Variants in XYLT1 observed in about 807,000 individuals in gnomAD.
The protein encoded by XYLT1 is xylosyltransferase 1, also known as beta-D-xylosyltransferase 1.
Under a neutral mutation model 91.3 loss-of-function variants are expected in XYLT1, and 36 were observed. The ratio of observed to expected loss-of-function variants is 0.39; its 90% CI spans 0.30 to 0.52. XYLT1 has a LOEUF of 0.52. Among genes scored for constraint, XYLT1 ranks in the 20% least tolerant of loss-of-function variants. XYLT1 has a pLI of 0.68. For missense variants in XYLT1, 1,242 were observed against 1,284.5 expected, an observed-to-expected ratio of 0.97 and a Z score of 0.51; for synonymous variants, 588 against 532.0, an observed-to-expected ratio of 1.11 and a Z score of -1.45.
intron 9 of XYLT1, among the ~76,000 whole-genome samples, chr16:17,132,818 G>A (rs182713140): frequency 1.4e-4 from 22 of 152,254 alleles, no homozygotes; most frequent in East Asian, 1.2e-3. Flanking sequence ...CAGAAGAATC[G>A]CTTGAACCTG....
chr16:17,116,980 C>CT (rs905383693), intron 11 of XYLT1, among the ~76,000 whole-genome samples: 13 of 151,200 alleles, frequency 8.6e-5, no homozygotes, highest in South Asian at 2.1e-4. Flanking sequence ...GGTTGGTGGT[C>CT]TTTTTTTTTG....
intron 1 of XYLT1, among the ~76,000 whole-genome samples, chr16:17,436,582 G>A (rs1297249585): frequency 3.3e-5 from 5 of 152,154 alleles, no homozygotes; most frequent in Admixed American, 1.3e-4. Flanking sequence ...GCTACGGGTT[G>A]GGAACGAGGT....
chr16:17,444,231 C>T (rs536072668), intron 1 of XYLT1, among the ~76,000 whole-genome samples: 1 of 152,356 alleles, frequency 6.6e-6, no homozygotes, highest in South Asian at 2.1e-4. Flanking sequence ...CCGTCTAATA[C>T]ACAGTGGTTT....
intron 2 of XYLT1, among the ~76,000 whole-genome samples, chr16:17,274,320 C>T (rs935702099): frequency 1.3e-5 from 2 of 152,080 alleles, no homozygotes; most frequent in Non-Finnish European, 2.9e-5. Flanking sequence ...TAGAATAAGG[C>T]TGGATTTCAT....
At chr16:17,340,709 G>A (rs1376857460) in intron 2 of XYLT1, among the ~76,000 whole-genome samples, 3 of 152,146 alleles carry the variant, frequency 2.0e-5, no homozygotes, top group East Asian at 1.9e-4. Context: ...CAGGTTTATG[G>A]GGAGATTAAA....
At chr16:17,258,863 C>T in intron 3 of XYLT1, 125 bp downstream of exon 3, 1 of 1,186,240 alleles carries the variant, frequency 8.4e-7, no homozygotes, top group Non-Finnish European at 1.1e-6. Context: ...CTCGTGTGCT[C>T]ATCTGGGGTT....
intron 10 of XYLT1, 29 bp from the exon 11 acceptor site, chr16:17,118,008 A>T (rs1222246794): frequency 6.3e-7 from 1 of 1,589,408 alleles, no homozygotes; most frequent in Non-Finnish European, 8.6e-7. Context: ...TTCTGAAGTC[A>T]CTGGGCCTGA....
intron 2 of XYLT1, among the ~76,000 whole-genome samples, chr16:17,322,786 C>T (rs533460915): frequency 6.6e-6 from 1 of 152,338 alleles, no homozygotes; most frequent in Admixed American, 6.5e-5. Context: ...TTTAAAAGAA[C>T]CCAACACTTG....
chr16:17,395,857 T>C (rs2035878412), intron 1 of XYLT1, among the ~76,000 whole-genome samples: 1 of 152,186 alleles, frequency 6.6e-6, no homozygotes, highest in Admixed American at 6.5e-5. Flanking sequence ...GTGTCCTCTC[T>C]GTCACTCTCA....
At position 17,366,702 on chromosome 16, in the gene XYLT1, A is replaced by G. The variant is rs72781562; in HGVS notation, c.364-8652T>C. Among the ~76,000 whole-genome samples, 855 of 152,258 alleles carry G rather than the reference A, an allele frequency of 5.6e-3. 2 individuals carry two copies. The highest frequency in any genetic ancestry group is 9.4e-3 in the Non-Finnish European group (640 of 68,014). ...AGACTGGGACCGTGTCTTAAAACAA[A>G]CAAACAAACAAACAAACCAACCTTA... On this transcript the variant is annotated intron_variant, in intron 1 of 11. Coordinates refer to ENST00000261381, the MANE Select transcript of XYLT1 (RefSeq NM_022166.4).
chr16:17,462,503 C>A (rs904639330), intron 1 of XYLT1, among the ~76,000 whole-genome samples: 2 of 152,146 alleles, frequency 1.3e-5, no homozygotes, highest in East Asian at 3.9e-4. Flanking sequence ...TGAGCATCTG[C>A]GGGCAAACGG....
At chr16:17,112,634 G>A (rs1416185965) in intron 11 of XYLT1, among the ~76,000 whole-genome samples, 2 of 152,158 alleles carry the variant, frequency 1.3e-5, no homozygotes, top group African/African-American at 4.8e-5. Context: ...TGGTAAAGAT[G>A]TGAACTAGAT....
intron 3 of XYLT1, among the ~76,000 whole-genome samples, chr16:17,258,709 A>G (rs1450895826): frequency 6.6e-6 from 1 of 152,238 alleles, no homozygotes; most frequent in Non-Finnish European, 1.5e-5. Context: ...TCCTGCCAGC[A>G]TCACATCAGC....
chr16:17,325,391 A>G (rs2034785054), intron 2 of XYLT1, among the ~76,000 whole-genome samples: 1 of 152,146 alleles, frequency 6.6e-6, no homozygotes, highest in African/African-American at 2.4e-5. Context: ...ACAGAGCGAG[A>G]CTCTGTCTCA....
At chr16:17,346,943 G>C (rs2035151678) in intron 2 of XYLT1, among the ~76,000 whole-genome samples, 1 of 152,180 alleles carries the variant, frequency 6.6e-6, no homozygotes, top group Non-Finnish European at 1.5e-5. Flanking sequence ...AAGAAAATGA[G>C]AACGGGGTTA....
At chr16:17,451,360 T>A (rs2036663932) in intron 1 of XYLT1, among the ~76,000 whole-genome samples, 1 of 152,170 alleles carries the variant, frequency 6.6e-6, no homozygotes. Context: ...CCGGACTATC[T>A]TCTCTTTGTT....
At chr16:17,411,916 C>T (rs867098469) in intron 1 of XYLT1, among the ~76,000 whole-genome samples, 12 of 152,108 alleles carry the variant, frequency 7.9e-5, no homozygotes, top group Non-Finnish European at 1.5e-5. Flanking sequence ...GACTCACAAT[C>T]CGGCTGCCCA....
Position 17,134,480 on chromosome 16 carries a change from T to G in XYLT1, c.2020A>C (p.Ser674Arg), listed in dbSNP as rs200073557. Residue 674 changes from serine (S) to arginine (R), a missense_variant, in exon 9 of 12, where the codon AGC (serine) becomes CGC (arginine). Coordinates refer to ENST00000261381, the MANE Select transcript of XYLT1 (RefSeq NM_022166.4). Reference sequence around the variant, plus strand: ...ATCCCATATAGGGCTCACCGGCAGCTGTTCTCCCCATCCGTGTGCAGGGAC... The same window carrying G: ...ATCCCATATAGGGCTCACCGGCAGCGGTTCTCCCCATCCGTGTGCAGGGAC... ...ETSLHTDGEN[S>R]CRYYPMGHPA... 2.5e-6 allele frequency: 4 copies of G among 1,613,958 alleles called. No individual in the cohort carries two copies. Among genetic ancestry groups the G allele is most frequent in the Non-Finnish European group, 3.4e-6 (4 of 1,180,044 alleles).
Position 17,117,719 on chromosome 16 carries a change from G to C in XYLT1, c.2484C>G (p.His828Gln), listed in dbSNP as rs1241489775. Residue 828 changes from histidine (H) to glutamine (Q), a missense_variant, in exon 11 of 12, where the codon CAC becomes CAG. His to Gln is a conservative substitution (Grantham distance 24, BLOSUM62 0). Transcript: ENST00000261381. ...PGVWTVKILH[H>Q]WVPVAETKFL... ...ATTTGGTCTCTGCAACTGGCACCCAGTGGTGGAGAATTTTCACTGTCCAGA... is the reference window on the plus strand; with the variant it reads ...ATTTGGTCTCTGCAACTGGCACCCACTGGTGGAGAATTTTCACTGTCCAGA... 1 of 1,614,110 alleles carries C rather than the reference G, an allele frequency of 6.2e-7. No individual in the cohort carries two copies. The highest frequency in any genetic ancestry group is 8.5e-7 in the Non-Finnish European group (1 of 1,180,044).
Sources: gnomAD v4.1 joint callset for allele counts (sites outside exome capture counted in the v4.1 genomes callset) on GRCh38, gnomAD v4.1.1 for gene constraint, MANE v1.5 for transcripts, NCBI Gene and HGNC (gene_info 2026-07-23, HGNC 2026-07-21) for gene names.